The following ADAMTSL2 variants were observed in gnomAD, a reference collection of about 807,000 sequenced individuals.
The protein encoded by ADAMTSL2 is ADAMTS like 2, also known as ADAMTS-like protein 2.
A neutral mutation model predicts 117.0 loss-of-function variants in ADAMTSL2; 55 were observed. That is an observed-to-expected ratio of 0.47 (90% CI 0.38 to 0.59). The LOEUF (loss-of-function observed/expected upper bound fraction) is 0.59. ADAMTSL2 is among the 20% of genes least tolerant of loss of function. ADAMTSL2 has a pLI of 0.00. For missense variants in ADAMTSL2, 1,182 were observed against 1,354.5 expected, an observed-to-expected ratio of 0.87 and a Z score of 2.00; for synonymous variants, 572 against 566.4, an observed-to-expected ratio of 1.01 and a Z score of -0.14.
Position 133,554,493 on chromosome 9 carries a change from G to T in ADAMTSL2, c.1076G>T (p.Gly359Val). Residue 359 changes from glycine to valine, a missense_variant, in exon 10 of 19, where the codon GGG (glycine) becomes GTG (valine). Physicochemically the swap from Gly to Val is moderately radical, Grantham distance 109. Coordinates refer to ENST00000651351, the MANE Select transcript of ADAMTSL2 (RefSeq NM_014694.4). The surrounding 1 kb of genome is among the most constrained non-coding windows in gnomAD (Gnocchi z 5.2). ...GAGAGCCAGGGCCTGGACGGGGCCG[G>T]GCTGATGGGCTTCGTCCCGCACAAC... Reference protein sequence around the residue: ...SAESQGLDGAGLMGFVPHNGS... With the variant: ...SAESQGLDGAVLMGFVPHNGS... 1 of 1,551,058 alleles carries T rather than the reference G, an allele frequency of 6.4e-7. No homozygotes were observed. The highest frequency in any genetic ancestry group is 8.7e-7 in the Non-Finnish European group (1 of 1,147,592).
intron 12 of ADAMTSL2, among the ~76,000 whole-genome samples, chr9:133,563,853 G>C (rs1248511447): frequency 7.7e-5 from 7 of 91,106 alleles, no homozygotes; most frequent in Non-Finnish European, 1.2e-4. Context: ...GGGAGAGAGA[G>C]AGAGAGAGAG....
rs199645279 is a variant in ADAMTSL2 at position 133,536,820 on chromosome 9, G to T, written c.90+18G>T. 8.2e-5 allele frequency: 132 copies of T among 1,613,952 alleles called. No individual in the cohort carries two copies. Among genetic ancestry groups the T allele is most frequent in the Non-Finnish European group, 1.0e-4 (121 of 1,180,042 alleles). ...GGTCCACGGTGAGTGGGGTGTTGTG[G>T]TCTGAGGGCCCATGCCAGTCCCCTA... On this transcript the variant is annotated intron_variant, in intron 2 of 18. Transcript: ENST00000651351.
chr9:133,536,190 C>T (rs917406235), intron 1 of ADAMTSL2, among the ~76,000 whole-genome samples: 2 of 152,244 alleles, frequency 1.3e-5, no homozygotes, highest in African/African-American at 2.4e-5. Context: ...ATGCACTGAC[C>T]CTAGCAGCCA....
chr9:133,566,507 C>T (rs1417562364), intron 12 of ADAMTSL2, among the ~76,000 whole-genome samples: 2 of 152,132 alleles, frequency 1.3e-5, no homozygotes, highest in African/African-American at 2.4e-5. Context: ...AGGGCGCGCC[C>T]GAACCCCCAC....
At position 133,555,947 on chromosome 9, in the gene ADAMTSL2, T is replaced by C. The variant is rs913112200; in HGVS notation, c.1649+17T>C. The C allele has an allele frequency of 8.1e-6, 13 of 1,607,784 alleles. No individual in the cohort carries two copies. In the African/African-American group the frequency reaches 1.6e-4, roughly 20 times the overall value. On this transcript the variant is annotated intron_variant, in intron 11 of 18. Transcript: ENST00000651351. ...CAAGGCCAGGTAGGAGGCACTTTCC[T>C]GAGCCCTGTCCAGGGCCCTCAGGGG...
rs1253943259 is a variant in ADAMTSL2 at position 133,541,139 on chromosome 9, G to T, written c.682+138G>T. On this transcript the variant is annotated intron_variant, in intron 7 of 18. Transcript: ENST00000651351. ...TAGGGGCACCTGATTCAGCATCCCA[G>T]GCCGGGTGAGCTGGCCTGGTGATTG... 2.2e-6 allele frequency: 3 copies of T among 1,342,660 alleles called. No homozygotes were observed. The South Asian group carries it at 3.8e-5, about 17-fold the overall frequency. 83.2% of individuals were successfully genotyped at this position (1,342,660 alleles called of 1,614,324 possible).
At chr9:133,545,283 G>GA (rs1236412811) in intron 8 of ADAMTSL2, among the ~76,000 whole-genome samples, 4 of 152,274 alleles carry the variant, frequency 2.6e-5, no homozygotes, top group Admixed American at 6.5e-5. Flanking sequence ...CTTGGGTATA[G>GA]GGACGCTGTT....
intron 15 of ADAMTSL2, 30 bp from the exon 16 acceptor site, chr9:133,569,378 G>T (rs1278276065): frequency 8.7e-6 from 14 of 1,610,068 alleles, no homozygotes; most frequent in Non-Finnish European, 1.2e-5. Context: ...CCTCTCACTG[G>T]ATGTCCCCTG....
At chr9:133,548,782 A>AGG (rs1564499976) in intron 9 of ADAMTSL2, among the ~76,000 whole-genome samples, 1 of 151,806 alleles carries the variant, frequency 6.6e-6, no homozygotes, top group Admixed American at 6.5e-5. Context: ...ACTGTTGCGC[A>AGG]CCCACCCCAG....
chr9:133,573,790 G>A (rs1460706393), intron 17 of ADAMTSL2, 53 bp from the exon 18 acceptor site: 2 of 1,611,752 alleles, frequency 1.2e-6, no homozygotes, highest in East Asian at 2.2e-5. Context: ...CCCTGCCCAG[G>A]CCCCTGCCCC....
chr9:133,568,302 C>G lies in ADAMTSL2; in HGVS notation c.1904C>G (p.Ser635Trp). 1 of 1,574,634 alleles carries G rather than the reference C, an allele frequency of 6.4e-7. No homozygotes were observed. The highest frequency in any genetic ancestry group is 8.6e-7 in the Non-Finnish European group (1 of 1,161,286). Reference sequence around the variant, plus strand: ...GAGACGAGCAGCTGGAGCGAGTGTTCGCGCACCTGCGGAGAGGGCTACCAG... The same window carrying G: ...GAGACGAGCAGCTGGAGCGAGTGTTGGCGCACCTGCGGAGAGGGCTACCAG... Reference protein sequence around the residue: ...RWETSSWSECSRTCGEGYQFR... With the variant: ...RWETSSWSECWRTCGEGYQFR... The change falls in exon 14 of 19, where the codon TCG becomes TGG. Residue 635 changes from serine to tryptophan, a missense_variant. Ser to Trp is a radical substitution (Grantham distance 177). Around this residue, in one of 3 missense-constraint regions of ADAMTSL2, gnomAD observed 465 missense variants for 565.3 expected, o/e 0.82. Coordinates refer to ENST00000651351, the MANE Select transcript of ADAMTSL2 (RefSeq NM_014694.4).
chr9:133,555,925 G>A lies in ADAMTSL2; in HGVS notation c.1644G>A (p.Lys548=). The A allele has an allele frequency of 3.1e-6, 5 of 1,611,036 alleles. No individual in the cohort carries two copies. The highest frequency in any genetic ancestry group is 4.2e-6 in the Non-Finnish European group (5 of 1,179,786). Residue 548 remains lysine, a synonymous_variant, in exon 11 of 19, where the codon AAG becomes AAA. Transcript: ENST00000651351. The part of the protein sequence containing the change: ...LLTSAGNRTH[K]ARTRPKARKQ... ...CCTCGGCCGGGAACAGGACTCACAA[G>A]GCCAGGTAGGAGGCACTTTCCTGAG...
At chr9:133,539,670 C>CCCGGCTGTCCCGGCTGTT in intron 4 of ADAMTSL2, 101 bp from the exon 5 acceptor site, 2 of 1,227,208 alleles carry the variant, frequency 1.6e-6, no homozygotes, top group South Asian at 1.3e-5. Flanking sequence ...TCCCGGCTGT[C>CCCGGCTGTCCCGGCTGTT]CCGGCTGTCC....
chr9:133,574,000 G>A lies in ADAMTSL2; in HGVS notation c.2737+13G>A, dbSNP rs930552062. ...ACGGAGCCCCCAGGTGAGGCGCGGG[G>A]AGGCCGAGGGTGGCTCTGGGAATTC... On this transcript the variant is annotated intron_variant, in intron 18 of 18. Coordinates refer to ENST00000651351, the MANE Select transcript of ADAMTSL2 (RefSeq NM_014694.4). 7.3e-5 allele frequency: 117 copies of A among 1,608,568 alleles called. 1 individual carries two copies. Among genetic ancestry groups the A allele is most frequent in the Admixed American group, 2.5e-4 (15 of 59,372 alleles).
Position 133,568,699 on chromosome 9 carries a change from G to A in ADAMTSL2, c.2185G>A (p.Glu729Lys). 6.2e-7 allele frequency: 1 copy of A among 1,613,422 alleles called. No individual in the cohort carries two copies. Among genetic ancestry groups the A allele is most frequent in the East Asian group, 2.2e-5 (1 of 44,884 alleles). Residue 729 changes from glutamate to lysine, a missense_variant, in exon 15 of 19, where the codon GAG becomes AAG. This residue lies in a region of ADAMTSL2 where 465 missense variants were observed against 565.3 expected (regional missense o/e 0.82). Coordinates refer to ENST00000651351, the MANE Select transcript of ADAMTSL2 (RefSeq NM_014694.4). Reference protein sequence around the residue: ...LCDPNTRPVGEKNCTGPPCDR... With the variant: ...LCDPNTRPVGKKNCTGPPCDR... Reference sequence around the variant, plus strand: ...TGACCCCAACACCAGGCCTGTAGGGGAGAAGAACTGCACGGGCCCGCCCTG... The same window carrying A: ...TGACCCCAACACCAGGCCTGTAGGGAAGAAGAACTGCACGGGCCCGCCCTG...
chr9:133,552,913 A>G lies in ADAMTSL2; in HGVS notation c.940-1444A>G, dbSNP rs200188065. On this transcript the variant is annotated intron_variant, in intron 9 of 18. Transcript: ENST00000651351. ...CTCCCCACGTTCTTACCAAGGCGCT[A>G]ACTTCTTTGTCATGAGAGGATGCAC... Among the ~76,000 whole-genome samples the G allele has an allele frequency of 3.3e-4, 51 of 152,306 alleles. No homozygotes were observed. The East Asian group carries it at 4.2e-3, about 13-fold the overall frequency.
At chr9:133,564,555 G>A (rs1333244192) in intron 12 of ADAMTSL2, among the ~76,000 whole-genome samples, 14 of 54,152 alleles carry the variant, frequency 2.6e-4, no homozygotes, top group East Asian at 6.2e-4. Context: ...AGAGGGAGAG[G>A]GAGAGAGAGA....
Position 133,568,309 on chromosome 9 carries a change from C to T in ADAMTSL2, c.1911C>T (p.Thr637=), listed in dbSNP as rs891412360. The T allele has an allele frequency of 6.4e-4, 1,016 of 1,578,480 alleles. No individual in the cohort carries two copies. The highest frequency in any genetic ancestry group is 8.3e-4 in the Non-Finnish European group (963 of 1,163,248). The change falls in exon 14 of 19, where the codon ACC becomes ACT. Residue 637 remains threonine, a synonymous_variant. Transcript: ENST00000651351. ...GCAGCTGGAGCGAGTGTTCGCGCAC[C>T]TGCGGAGAGGGCTACCAGTTCCGCG... is the stretch of plus-strand genomic sequence containing the variant. ...ETSSWSECSR[T]CGEGYQFRVV... is the part of the protein sequence containing the mutation.
upstream of ADAMTSL2, among the ~76,000 whole-genome samples, chr9:133,532,999 C>A (rs924016019): frequency 6.6e-6 from 1 of 152,200 alleles, no homozygotes; most frequent in South Asian, 2.1e-4. Context: ...CCGTTAGTCA[C>A]CCTGGCGCTG....
Sources: gnomAD v4.1 joint callset for allele counts (sites outside exome capture counted in the v4.1 genomes callset) on GRCh38, gnomAD v4.1.1 for gene constraint, gnomAD v4.1.1 regional missense constraint, Gnocchi (gnomAD v3.1) non-coding constraint, MANE v1.5 for transcripts, NCBI Gene and HGNC (gene_info 2026-07-23, HGNC 2026-07-21) for gene names.